The following CHRM3 variants were observed in gnomAD, a reference collection of about 807,000 sequenced individuals.
The protein encoded by CHRM3 is muscarinic acetylcholine receptor M3.
In CHRM3, 11 loss-of-function variants were observed where a neutral mutation model predicts 41.8. The observed-to-expected ratio is 0.26, with a 90% confidence interval of 0.17 to 0.44. The LOEUF (loss-of-function observed/expected upper bound fraction) is 0.44. Among genes scored for constraint, CHRM3 ranks in the 20% least tolerant of loss-of-function variants. The pLI, the probability that CHRM3 is intolerant of heterozygous loss-of-function variation, is 1.00. For synonymous variants in CHRM3, 297 were observed against 301.4 expected (o/e 0.99, Z 0.15); for missense variants, 571 against 745.4 (o/e 0.77, Z 2.72).
intron 3 of CHRM3, among the ~76,000 whole-genome samples, chr1:239,622,128 A>G (rs766051239): frequency 6.6e-6 from 1 of 152,170 alleles, no homozygotes; most frequent in Admixed American, 6.5e-5. Context: ...TGATATACTG[A>G]ATATTTTAAG....
chr1:239,537,870 A>G (rs1213019030), intron 2 of CHRM3, among the ~76,000 whole-genome samples: 1 of 152,088 alleles, frequency 6.6e-6, no homozygotes, highest in African/African-American at 2.4e-5. Flanking sequence ...ATCTTTGCCC[A>G]CTCATTGGCT....
intron 2 of CHRM3, among the ~76,000 whole-genome samples, chr1:239,528,969 G>A (rs1040327700): frequency 3.3e-5 from 5 of 152,086 alleles, no homozygotes; most frequent in South Asian, 2.1e-4. Context: ...AATAACCCCC[G>A]AAAACAATGT....
chr1:239,422,083 A>T (rs1022665942), intron 1 of CHRM3, among the ~76,000 whole-genome samples: 12 of 152,358 alleles, frequency 7.9e-5, no homozygotes, highest in African/African-American at 2.6e-4. Flanking sequence ...TGCAAGAGAC[A>T]GCTTACCTAT....
chr1:239,783,305 G>A (rs1454261589), intron 5 of CHRM3, among the ~76,000 whole-genome samples: 1 of 151,624 alleles, frequency 6.6e-6, no homozygotes, highest in Non-Finnish European at 1.5e-5. Flanking sequence ...ACAATATTTT[G>A]GAAAATTTCT....
chr1:239,835,826 T>C (rs1673269703), intron 6 of CHRM3, among the ~76,000 whole-genome samples: 2 of 152,194 alleles, frequency 1.3e-5, no homozygotes, highest in Admixed American at 1.3e-4. Context: ...GCCTGCTGAT[T>C]CAGAAGGATG....
intron 6 of CHRM3, among the ~76,000 whole-genome samples, chr1:239,882,214 C>G (rs7540620): frequency 6.6e-6 from 1 of 152,134 alleles, no homozygotes; most frequent in Non-Finnish European, 1.5e-5. Context: ...GCCCAATGTA[C>G]TCATTTTAAC....
At chr1:239,404,442 G>GAAAGAAAGAAAGAAAGAAAGAA (rs1558196022) in intron 1 of CHRM3, among the ~76,000 whole-genome samples, 1 of 123,012 alleles carries the variant, frequency 8.1e-6, no homozygotes, top group Non-Finnish European at 1.8e-5. Flanking sequence ...AAGAAAGAAA[G>GAAAGAAAGAAAGAAAGAAAGAA]AAAGAAAGAA....
chr1:239,887,670 C>T (rs1678188453), intron 6 of CHRM3, among the ~76,000 whole-genome samples: 2 of 152,170 alleles, frequency 1.3e-5, no homozygotes. Context: ...AAGAGCATTT[C>T]ATTACTTCTA....
chr1:239,802,633 G>A lies in CHRM3; in HGVS notation c.-146-24619G>A, dbSNP rs139372230. 1.5e-3 allele frequency among the ~76,000 whole-genome samples: 225 copies of A among 152,314 alleles called. 1 individual carries two copies. Among genetic ancestry groups the A allele is most frequent in the African/African-American group, 5.2e-3 (215 of 41,572 alleles). ...TGTTTTCGAGACAGGGTCTTACTCT[G>A]TTGCCCAGGCTGGAGTGCAGTAGCA... On this transcript the variant is annotated intron_variant, in intron 5 of 6. Transcript: ENST00000676153.
intron 1 of CHRM3, among the ~76,000 whole-genome samples, chr1:239,481,026 C>T (rs188597922): frequency 5.6e-4 from 85 of 152,084 alleles, no homozygotes; most frequent in Middle Eastern, 3.4e-3. Context: ...CAGAAAATAA[C>T]GATTTTATGT....
chr1:239,513,088 C>T (rs1029394315), intron 2 of CHRM3, among the ~76,000 whole-genome samples: 10 of 152,234 alleles, frequency 6.6e-5, no homozygotes, highest in African/African-American at 2.2e-4. Flanking sequence ...CCAGATTTTG[C>T]AAGTCGGTAT....
intron 1 of CHRM3, among the ~76,000 whole-genome samples, chr1:239,449,136 G>A (rs1664378959): frequency 6.6e-6 from 1 of 152,134 alleles, no homozygotes; most frequent in African/African-American, 2.4e-5. Flanking sequence ...TGTCCTGTGA[G>A]CAGAACATGG....
At chr1:239,564,770 C>T (rs533486627) in intron 3 of CHRM3, among the ~76,000 whole-genome samples, 1 of 152,252 alleles carries the variant, frequency 6.6e-6, no homozygotes, top group South Asian at 2.1e-4. Flanking sequence ...ATACACTATT[C>T]AGATAAGATT....
At chr1:239,541,926 T>C (rs1262092377) in intron 2 of CHRM3, among the ~76,000 whole-genome samples, 1 of 152,202 alleles carries the variant, frequency 6.6e-6, no homozygotes, top group African/African-American at 2.4e-5. Flanking sequence ...CACACCTAGC[T>C]GTCTGCAAAT....
intron 1 of CHRM3, among the ~76,000 whole-genome samples, chr1:239,413,896 T>C (rs1044891883): frequency 2.6e-5 from 4 of 152,226 alleles, no homozygotes; most frequent in African/African-American, 9.6e-5. Flanking sequence ...ATTGTAAATG[T>C]TCGCTTTGGT....
intron 6 of CHRM3, among the ~76,000 whole-genome samples, chr1:239,900,792 T>C (rs770830561): frequency 1.3e-5 from 2 of 152,170 alleles, no homozygotes; most frequent in East Asian, 1.9e-4. Flanking sequence ...GGATTTCTTA[T>C]GTGTGAGACA....
intron 1 of CHRM3, among the ~76,000 whole-genome samples, chr1:239,462,884 G>A (rs1373248084): frequency 6.6e-6 from 1 of 152,144 alleles, no homozygotes. Context: ...ATCAATTTCG[G>A]ACATTTGTTG....
chr1:239,466,321 T>C (rs1407276913), intron 1 of CHRM3, among the ~76,000 whole-genome samples: 2 of 152,070 alleles, frequency 1.3e-5, no homozygotes, highest in African/African-American at 4.8e-5. Flanking sequence ...ATAGAAAATG[T>C]CTGTACTTTT....
rs1299097626 is a variant in CHRM3, at chr1:239,408,528, A to AC, written c.-521+21301_-521+21302insC. ...AACAGAGAGAGACTCCGTCAAAAAA[A>AC]AAAAAAAAAAAAAAAACTCTCTCCT... On this transcript the variant is annotated intron_variant, in intron 1 of 6. Transcript: ENST00000676153. Among the ~76,000 whole-genome samples, 145 of 149,568 alleles carry AC rather than the reference A, an allele frequency of 9.7e-4. 1 individual carries two copies. Among genetic ancestry groups the AC allele is most frequent in the Middle Eastern group, 3.4e-3 (1 of 294 alleles).
Sources: allele counts gnomAD v4.1 joint callset (sites outside exome capture counted in the v4.1 genomes callset), GRCh38; gene constraint gnomAD v4.1.1; transcripts MANE v1.5; gene names NCBI Gene and HGNC (gene_info 2026-07-23, HGNC 2026-07-21).